Variants in TMTC2 observed in about 807,000 individuals in gnomAD.
TMTC2 encodes the protein protein O-mannosyl-transferase TMTC2.
Under a neutral mutation model 82.4 loss-of-function variants are expected in TMTC2, and 43 were observed. The observed-to-expected ratio is 0.52, with a 90% CI of 0.41 to 0.67. The LOEUF is 0.67. Ranked by LOEUF, TMTC2 falls within the 30% of genes least tolerant of loss-of-function variation. The pLI, the probability that TMTC2 is intolerant of heterozygous loss-of-function variation, is 0.00. For missense variants in TMTC2, 919 were observed against 1,012.4 expected, an observed-to-expected ratio of 0.91 and a Z score of 1.25; for synonymous variants, 408 against 381.9, an observed-to-expected ratio of 1.07 and a Z score of -0.80.
intron 7 of TMTC2, among the ~76,000 whole-genome samples, chr12:82,969,840 C>A (rs1265703741): frequency 6.6e-6 from 1 of 151,862 alleles, no homozygotes; most frequent in Non-Finnish European, 1.5e-5. Context: ...TTGAGGACAC[C>A]TTCCCATCCT....
At chr12:82,955,316 C>T (rs1274060847) in intron 4 of TMTC2, among the ~76,000 whole-genome samples, 1 of 152,198 alleles carries the variant, frequency 6.6e-6, no homozygotes, top group Admixed American at 6.5e-5. Flanking sequence ...AAATGTTCCT[C>T]TTCTTTCTCT....
At chr12:82,747,151 T>C (rs1359071439) in intron 1 of TMTC2, among the ~76,000 whole-genome samples, 1 of 152,222 alleles carries the variant, frequency 6.6e-6, no homozygotes, top group African/African-American at 2.4e-5. Context: ...TGACTTGTTA[T>C]ACAACAATGG....
intron 2 of TMTC2, among the ~76,000 whole-genome samples, chr12:82,867,119 C>T (rs1871907294): frequency 6.6e-6 from 1 of 152,082 alleles, no homozygotes; most frequent in South Asian, 2.1e-4. Flanking sequence ...CTGGGTTTGT[C>T]TTTACAATGC....
chr12:82,806,657 C>T (rs1264948037), intron 1 of TMTC2, among the ~76,000 whole-genome samples: 1 of 152,002 alleles, frequency 6.6e-6, no homozygotes, highest in Non-Finnish European at 1.5e-5. Context: ...ATACTGTTTT[C>T]TTACAGTAAA....
intron 3 of TMTC2, among the ~76,000 whole-genome samples, chr12:82,903,582 T>G (rs1267646974): frequency 6.6e-6 from 1 of 152,094 alleles, no homozygotes; most frequent in African/African-American, 2.4e-5. Flanking sequence ...CAGCTAATTT[T>G]TTTTGTATTT....
chr12:82,777,189 G>A (rs546841432), intron 1 of TMTC2, among the ~76,000 whole-genome samples: 1 of 152,062 alleles, frequency 6.6e-6, no homozygotes, highest in Non-Finnish European at 1.5e-5. Context: ...ATCATTTATT[G>A]TCCAAGCCAG....
chr12:82,778,122 G>C (rs1313034102), intron 1 of TMTC2, among the ~76,000 whole-genome samples: 2 of 151,682 alleles, frequency 1.3e-5, no homozygotes, highest in African/African-American at 4.8e-5. Flanking sequence ...TTTTATTTTT[G>C]CTCAGATTTT....
chr12:82,952,405 A>G (rs1276960956), intron 4 of TMTC2, among the ~76,000 whole-genome samples: 2 of 152,056 alleles, frequency 1.3e-5, no homozygotes, highest in Admixed American at 6.6e-5. Flanking sequence ...AAACCAGACA[A>G]CTCATACTTT....
intron 11 of TMTC2, among the ~76,000 whole-genome samples, chr12:83,107,945 C>A (rs1592496810): frequency 6.6e-6 from 1 of 151,872 alleles, no homozygotes; most frequent in African/African-American, 2.4e-5. Flanking sequence ...GATGGATTTC[C>A]CCCCTTGCTG....
At chr12:82,968,728 C>T (rs944803580) in intron 7 of TMTC2, among the ~76,000 whole-genome samples, 7 of 152,080 alleles carry the variant, frequency 4.6e-5, no homozygotes, top group Non-Finnish European at 1.0e-4. Context: ...AAAATTCAGC[C>T]AGTACCTTGG....
chr12:83,033,848 GTATA>G (rs200567670), intron 9 of TMTC2, among the ~76,000 whole-genome samples: 4 of 148,308 alleles, frequency 2.7e-5, no homozygotes, highest in East Asian at 2.0e-4. Context: ...ATATGTATGT[GTATA>G]TATATATGTG....
chr12:83,000,545 T>C (rs1433237653), intron 8 of TMTC2, among the ~76,000 whole-genome samples: 1 of 152,204 alleles, frequency 6.6e-6, no homozygotes, highest in Non-Finnish European at 1.5e-5. Flanking sequence ...GCTCCACCCG[T>C]GTGACTGCAG....
intron 4 of TMTC2, among the ~76,000 whole-genome samples, chr12:82,962,341 G>A (rs943930310): frequency 1.3e-5 from 2 of 152,068 alleles, no homozygotes; most frequent in East Asian, 3.9e-4. Context: ...ATTATGTGGA[G>A]ACTAATTAGT....
At chr12:83,044,439 G>A (rs2137445296) in intron 9 of TMTC2, among the ~76,000 whole-genome samples, 1 of 152,280 alleles carries the variant, frequency 6.6e-6, no homozygotes, top group Non-Finnish European at 1.5e-5. Flanking sequence ...ATAGCAAGCT[G>A]TGTAGGCCAG....
intron 1 of TMTC2, among the ~76,000 whole-genome samples, chr12:82,854,498 A>C (rs909232237): frequency 6.6e-6 from 1 of 152,184 alleles, no homozygotes; most frequent in African/African-American, 2.4e-5. Flanking sequence ...CAGGGGAAGA[A>C]GGCTAAGCTT....
At chr12:82,728,357 G>C (rs1462748621) in intron 1 of TMTC2, among the ~76,000 whole-genome samples, 1 of 150,724 alleles carries the variant, frequency 6.6e-6, no homozygotes, top group African/African-American at 2.4e-5. Context: ...GTTTTTTTTT[G>C]TTTTTGTTTT....
chr12:83,053,188 G>A lies in TMTC2; in HGVS notation c.2267+2170G>A, dbSNP rs187920264. On this transcript the variant is annotated intron_variant, in intron 10 of 11. Transcript: ENST00000321196. ...GTTATCAAAATTTTGCTTATTTAAT[G>A]TTACATGTAAATTTTCTCCTGGGGG... Among the ~76,000 whole-genome samples the A allele has an allele frequency of 2.8e-4, 42 of 152,168 alleles. No homozygotes were observed. The Middle Eastern group carries it at 0.014, about 49-fold the overall frequency.
At position 83,103,727 on chromosome 12, in the gene TMTC2, CA is replaced by C. The variant is rs377603854; in HGVS notation, c.2332-28479del. Among the ~76,000 whole-genome samples, 116 of 152,300 alleles carry C rather than the reference CA, an allele frequency of 7.6e-4. 1 individual carries two copies. In the South Asian group the frequency reaches 0.023, roughly 30 times the overall value. On this transcript the variant is annotated intron_variant, in intron 11 of 11. Transcript: ENST00000321196. The stretch of plus-strand genomic sequence containing the variant: ...CAAATTTCATGTCCTTCTCACACTG[CA>C]AAACATAATCATGCCTTCTCAATGG...
intron 1 of TMTC2, among the ~76,000 whole-genome samples, chr12:82,790,057 C>G (rs1878384460): frequency 6.6e-6 from 1 of 151,616 alleles, no homozygotes; most frequent in African/African-American, 2.4e-5. Context: ...AAAAAATTAG[C>G]TGGGTGTGGT....
Sources: gnomAD v4.1 joint callset for allele counts (sites outside exome capture counted in the v4.1 genomes callset) on GRCh38, gnomAD v4.1.1 for gene constraint, MANE v1.5 for transcripts, NCBI Gene and HGNC (gene_info 2026-07-23, HGNC 2026-07-21) for gene names.